The following SIK2 variants were observed in gnomAD, a reference collection of about 807,000 sequenced individuals.
SIK2 encodes the protein serine/threonine-protein kinase SIK2.
SIK2 carries 29 observed loss-of-function variants against 103.2 expected under a neutral mutation model. The observed-to-expected ratio is 0.28, with a 90% CI of 0.21 to 0.38. The LOEUF is 0.38. Ranked by LOEUF, SIK2 falls within the 10% of genes least tolerant of loss-of-function variation. The pLI is 1.00. For missense variants in SIK2, 879 were observed against 1,171.0 expected, an observed-to-expected ratio of 0.75 and a Z score of 3.64; for synonymous variants, 412 against 446.1, an observed-to-expected ratio of 0.92 and a Z score of 0.96.
At chr11:111,661,969 G>A (rs907409065) in intron 3 of SIK2, among the ~76,000 whole-genome samples, 8 of 152,174 alleles carry the variant, frequency 5.3e-5, no homozygotes, top group African/African-American at 1.9e-4. Flanking sequence ...ATATCAGTCT[G>A]TAATAAATAA....
rs1478277582 is a variant in SIK2 at position 111,723,646 on chromosome 11, A to C, written c.2298A>C (p.Pro766=). 6.2e-7 allele frequency: 1 copy of C among 1,613,772 alleles called. No homozygotes were observed. The highest frequency in any genetic ancestry group is 8.5e-7 in the Non-Finnish European group (1 of 1,179,972). The change falls in exon 15 of 15, where the codon CCA becomes CCC. Residue 766 remains proline, a synonymous_variant. Transcript: ENST00000304987. ...QETPPPSQQA[P]PFSLTQPLSP... ...CTCCACCGCCTTCTCAGCAGGCCCC[A>C]CCGTTCAGCCTGACCCAGCCCCTGA...
intron 3 of SIK2, among the ~76,000 whole-genome samples, chr11:111,636,045 T>G (rs1942104076): frequency 6.6e-6 from 1 of 152,262 alleles, no homozygotes; most frequent in Admixed American, 6.5e-5. Context: ...TTAAGGAATT[T>G]CAGTAAGATT....
At position 111,717,317 on chromosome 11, in the gene SIK2, CAAAA is replaced by C. The variant is rs34473568; in HGVS notation, c.1267-2435_1267-2432del. Among the ~76,000 whole-genome samples, 42 of 49,456 alleles carry C rather than the reference CAAAA, an allele frequency of 8.5e-4. No homozygotes were observed. In the South Asian group the frequency reaches 0.055, roughly 65 times the overall value. 32.4% of individuals were successfully genotyped at this position (49,456 alleles called of 152,430 possible). On this transcript the variant is annotated intron_variant, in intron 9 of 14. Coordinates refer to ENST00000304987, the MANE Select transcript of SIK2 (RefSeq NM_015191.3). ...TGGGCGACAGAGCGAGACTCCGTCTCAAAAAAAAAAAAAAAAAAAAAAAAAAGCT... is the reference window on the plus strand; with the variant it reads ...TGGGCGACAGAGCGAGACTCCGTCTCAAAAAAAAAAAAAAAAAAAAAAGCT...
At chr11:111,607,696 T>C (rs1296934842) in intron 1 of SIK2, among the ~76,000 whole-genome samples, 1 of 152,216 alleles carries the variant, frequency 6.6e-6, no homozygotes, top group Non-Finnish European at 1.5e-5. Context: ...TATATATACT[T>C]TCATAGAATT....
chr11:111,714,830 C>G (rs559031664), intron 9 of SIK2, among the ~76,000 whole-genome samples: 1 of 152,298 alleles, frequency 6.6e-6, no homozygotes, highest in African/African-American at 2.4e-5. Flanking sequence ...TGCCTAGGGA[C>G]AGTCTTTCTT....
chr11:111,623,296 TA>T, intron 3 of SIK2, among the ~76,000 whole-genome samples: 2 of 152,326 alleles, frequency 1.3e-5, no homozygotes, highest in South Asian at 4.1e-4. Flanking sequence ...AGAATCCAGT[TA>T]TGATAATTTT....
At chr11:111,715,861 A>C (rs1179273654) in intron 9 of SIK2, among the ~76,000 whole-genome samples, 1 of 125,404 alleles carries the variant, frequency 8.0e-6, no homozygotes, top group Non-Finnish European at 1.5e-5. Flanking sequence ...GAGTGCAGTG[A>C]CACGATCTCA....
chr11:111,708,687 G>A (rs1286084193), intron 8 of SIK2, among the ~76,000 whole-genome samples: 1 of 151,980 alleles, frequency 6.6e-6, no homozygotes, highest in Non-Finnish European at 1.5e-5. Context: ...GGGCTCAGGC[G>A]ATTCTCCCAT....
In SIK2 at chr11:111,701,386, G is replaced by A. The variant is rs559180347; in HGVS notation, c.604-66G>A. ...ATATGATTTCAAGAGCCCTGGGGAT[G>A]TTCAGGAAAACAAAGAGTGTTTGAC... On this transcript the variant is annotated intron_variant, in intron 5 of 14. Coordinates refer to ENST00000304987, the MANE Select transcript of SIK2 (RefSeq NM_015191.3). This position sits in a 1 kb window ranked among gnomAD's most constrained non-coding sequence, Gnocchi z 4.2. 5 of 1,561,996 alleles carry A rather than the reference G, an allele frequency of 3.2e-6. No individual in the cohort carries two copies. The East Asian group carries it at 9.1e-5, about 28-fold the overall frequency.
intron 3 of SIK2, among the ~76,000 whole-genome samples, chr11:111,686,334 G>A (rs914569530): frequency 2.0e-5 from 3 of 152,038 alleles, no homozygotes; most frequent in African/African-American, 7.2e-5. Flanking sequence ...CCAGTTATTC[G>A]GGAGGCTGAG....
At chr11:111,606,352 A>G (rs1941647912) in intron 1 of SIK2, among the ~76,000 whole-genome samples, 1 of 152,086 alleles carries the variant, frequency 6.6e-6, no homozygotes, top group East Asian at 1.9e-4. Flanking sequence ...AAGTATACAT[A>G]TAATTCCTCC....
chr11:111,651,789 A>G (rs1942330429), intron 3 of SIK2, among the ~76,000 whole-genome samples: 1 of 152,174 alleles, frequency 6.6e-6, no homozygotes, highest in Admixed American at 6.5e-5. Context: ...CAAGAACTCC[A>G]TTTTAATTAT....
chr11:111,632,759 G>T (rs371139616), intron 3 of SIK2, among the ~76,000 whole-genome samples: 1 of 151,480 alleles, frequency 6.6e-6, no homozygotes, highest in Non-Finnish European at 1.5e-5. Context: ...CTTCTGCCCC[G>T]CCCCTCATCT....
chr11:111,704,050 A>ATTCT (rs1943279231), intron 7 of SIK2, among the ~76,000 whole-genome samples: 1 of 152,238 alleles, frequency 6.6e-6, no homozygotes, highest in Non-Finnish European at 1.5e-5. Context: ...GAAGAAACAT[A>ATTCT]ACAAGAAAGA....
chr11:111,658,195 G>T (rs971287922), intron 3 of SIK2, among the ~76,000 whole-genome samples: 1 of 151,010 alleles, frequency 6.6e-6, no homozygotes, highest in Non-Finnish European at 1.5e-5. Context: ...GCGTGAGCTC[G>T]GCTCACTGCA....
At chr11:111,650,277 A>G (rs1011500361) in intron 3 of SIK2, among the ~76,000 whole-genome samples, 19 of 151,858 alleles carry the variant, frequency 1.3e-4, no homozygotes, top group African/African-American at 4.6e-4. Flanking sequence ...TTTCTGAAAA[A>G]ACGGAAGAAA....
chr11:111,728,436 G>A lies in SIK2; in HGVS notation c.*4307G>A, dbSNP rs1944050584. ...CCCAAGTAGCTGGGACTACAGGTGT[G>A]TGCTACCGCATCCAGCTAGTTTGTA... is the stretch of plus-strand genomic sequence containing the variant. On this transcript the variant is annotated 3_prime_UTR_variant, in exon 15 of 15. Coordinates refer to ENST00000304987, the MANE Select transcript of SIK2 (RefSeq NM_015191.3). The A allele has an allele frequency of 6.6e-6, 1 of 152,140 alleles. No homozygotes were observed. Among genetic ancestry groups the A allele is most frequent in the Non-Finnish European group, 1.5e-5 (1 of 68,154 alleles). The allele number at this position is 152,140 out of a possible 1,614,324, so 9.4% of individuals were successfully genotyped here.
intron 3 of SIK2, 94 bp downstream of exon 3, chr11:111,620,496 G>T: frequency 1.3e-6 from 1 of 778,364 alleles, no homozygotes. Context: ...TTATTTAAGT[G>T]TTGGTAATAT....
intron 3 of SIK2, among the ~76,000 whole-genome samples, chr11:111,681,318 G>A (rs1031708238): frequency 2.0e-5 from 3 of 152,156 alleles, no homozygotes; most frequent in African/African-American, 7.2e-5. Flanking sequence ...AAGGCCCAAG[G>A]CCAGACTGTT....
Sources: gnomAD v4.1 joint callset for allele counts (sites outside exome capture counted in the v4.1 genomes callset) on GRCh38, gnomAD v4.1.1 for gene constraint, Gnocchi (gnomAD v3.1) non-coding constraint, MANE v1.5 for transcripts, NCBI Gene and HGNC (gene_info 2026-07-23, HGNC 2026-07-21) for gene names.